The following PCDHA5 variants were observed in gnomAD, a reference collection of about 807,000 sequenced individuals.
PCDHA5 encodes the protein protocadherin alpha-5.
A neutral mutation model predicts 61.6 loss-of-function variants in PCDHA5; 43 were observed. That is an observed-to-expected ratio of 0.70 (90% CI 0.55 to 0.90). The LOEUF (loss-of-function observed/expected upper bound fraction) is 0.90. Ranked by LOEUF, PCDHA5 falls within the 40% of genes least tolerant of loss-of-function variation. The pLI is 0.00. For missense variants in PCDHA5, 1,298 were observed against 1,222.7 expected (o/e 1.06, Z -0.92); for synonymous variants, 627 against 543.9 (o/e 1.15, Z -2.13).
intron 1 of PCDHA5, chr5:140,834,405 G>A (rs2150216867): frequency 1.9e-6 from 3 of 1,607,688 alleles, no homozygotes; most frequent in Admixed American, 1.7e-5. Flanking sequence ...GAATGGATAC[G>A]ACCCAGGGGG....
At chr5:140,870,568 G>T (rs1554164428) in intron 1 of PCDHA5, 2 of 1,613,870 alleles carry the variant, frequency 1.2e-6, no homozygotes, top group African/African-American at 1.3e-5. Context: ...GAACGCGCTG[G>T]TGTCCTACTC....
chr5:140,880,970 C>A (rs2058546777), intron 1 of PCDHA5, among the ~76,000 whole-genome samples: 1 of 152,070 alleles, frequency 6.6e-6, no homozygotes, highest in South Asian at 2.1e-4. Context: ...TAAGAGAATA[C>A]CAAATACTCT....
intron 1 of PCDHA5, chr5:140,842,126 C>G (rs2150329833): frequency 6.2e-7 from 1 of 1,613,822 alleles, no homozygotes; most frequent in South Asian, 1.1e-5. Context: ...TGCTTCTGAT[C>G]CGGATGAAGG....
Position 140,823,213 on chromosome 5 carries a change from G to A in PCDHA5, c.1438G>A (p.Asp480Asn). Residue 480 changes from aspartate to asparagine, a missense_variant, in exon 1 of 4, where the codon GAC becomes AAC. Asp to Asn is a conservative substitution (Grantham distance 23). Transcript: ENST00000529859. Reference protein sequence around the residue: ...GCHIFTVSARDADAQENALVS... With the variant: ...GCHIFTVSARNADAQENALVS... ...CCACATCTTCACGGTGTCTGCACGG[G>A]ACGCGGACGCGCAGGAGAACGCCCT... is the stretch of plus-strand genomic sequence containing the variant. The A allele has an allele frequency of 6.2e-7, 1 of 1,613,778 alleles. No homozygotes were observed. Among genetic ancestry groups the A allele is most frequent in the Non-Finnish European group, 8.5e-7 (1 of 1,179,814 alleles).
intron 1 of PCDHA5, chr5:140,875,895 T>C (rs2153332421): frequency 1.2e-6 from 2 of 1,614,196 alleles, no homozygotes; most frequent in Non-Finnish European, 1.7e-6. Flanking sequence ...AAAAGGTACC[T>C]GTTTCTGAAT....
chr5:140,870,524 T>C (rs1554164360), intron 1 of PCDHA5: 35 of 1,614,076 alleles, frequency 2.2e-5, no homozygotes, highest in Non-Finnish European at 2.8e-5. Context: ...TGCCACATCT[T>C]CACAGTGTCG....
rs371212960 is a variant in PCDHA5 at position 140,891,914 on chromosome 5, C to T, written c.2352+67787C>T. ...GCAGCAAGAAGATCTTCACCAGATG[C>T]TGGTGCCTTGATCTTGGACTTCCCC... On this transcript the variant is annotated intron_variant, in intron 1 of 3. Transcript: ENST00000529859. Among the ~76,000 whole-genome samples the T allele has an allele frequency of 2.6e-3, 395 of 152,328 alleles. 2 individuals carry two copies. The highest frequency in any genetic ancestry group is 9.2e-3 in the African/African-American group (384 of 41,572).
intron 1 of PCDHA5, among the ~76,000 whole-genome samples, chr5:140,937,575 T>C (rs111558133): frequency 1.8e-3 from 268 of 149,140 alleles, no homozygotes; most frequent in African/African-American, 6.4e-3. Context: ...TGGGATCGCG[T>C]CACTGCACTC....
At chr5:140,825,422 A>G (rs2150139462) in intron 1 of PCDHA5, 1 of 147,148 alleles carries the variant, frequency 6.8e-6, no homozygotes, top group Non-Finnish European at 1.5e-5. Context: ...TATAATATAT[A>G]TAATAAATAT....
chr5:140,836,709 C>A, intron 1 of PCDHA5: 2 of 1,613,210 alleles, frequency 1.2e-6, no homozygotes, highest in Non-Finnish European at 1.7e-6. Context: ...CAGTCCCAGC[C>A]TTCCTCAGGG....
At chr5:140,898,705 A>G (rs1351081569) in intron 1 of PCDHA5, among the ~76,000 whole-genome samples, 2 of 152,142 alleles carry the variant, frequency 1.3e-5, no homozygotes, top group African/African-American at 4.8e-5. Flanking sequence ...ACTTTAAAGT[A>G]GTTTTTTCCA....
intron 1 of PCDHA5, among the ~76,000 whole-genome samples, chr5:140,920,261 A>T (rs535022961): frequency 3.3e-4 from 50 of 152,226 alleles, no homozygotes; most frequent in Non-Finnish European, 2.8e-4. Context: ...TATAATAATT[A>T]TTACTTTATG....
chr5:140,938,765 AC>A (rs1309568560), intron 1 of PCDHA5, among the ~76,000 whole-genome samples: 1 of 152,182 alleles, frequency 6.6e-6, no homozygotes, highest in Non-Finnish European at 1.5e-5. Context: ...GTTATTGGGT[AC>A]TAGACTTAGT....
intron 1 of PCDHA5, among the ~76,000 whole-genome samples, chr5:140,840,696 C>T (rs2150308917): frequency 6.6e-6 from 1 of 152,100 alleles, no homozygotes; most frequent in Admixed American, 6.5e-5. Flanking sequence ...TAAAACGGTT[C>T]AGGCAATTTG....
chr5:140,876,936 G>T, intron 1 of PCDHA5: 1 of 1,613,730 alleles, frequency 6.2e-7, no homozygotes, highest in South Asian at 1.1e-5. Flanking sequence ...AGAAGAACGC[G>T]CTGGTGTCCT....
intron 1 of PCDHA5, among the ~76,000 whole-genome samples, chr5:140,939,849 G>A (rs1554212970): frequency 6.6e-6 from 1 of 152,134 alleles, no homozygotes; most frequent in Non-Finnish European, 1.5e-5. Context: ...GTTGTGTTCT[G>A]TATATGTCCA....
chr5:140,940,195 T>C (rs2092570084), intron 1 of PCDHA5, among the ~76,000 whole-genome samples: 1 of 152,220 alleles, frequency 6.6e-6, no homozygotes, highest in African/African-American at 2.4e-5. Flanking sequence ...TTTACATGGG[T>C]GTAAAATTCA....
In PCDHA5 at chr5:140,848,623, C is replaced by A. The variant is rs186780543; in HGVS notation, c.2352+24496C>A. 2.4e-3 allele frequency: 3,747 copies of A among 1,588,346 alleles called. 451 individuals carry two copies. Among genetic ancestry groups the A allele is most frequent in the Middle Eastern group, 8.5e-3 (48 of 5,656 alleles). On this transcript the variant is annotated intron_variant, in intron 1 of 3. Coordinates refer to ENST00000529859, the MANE Select transcript of PCDHA5 (RefSeq NM_018908.3). ...GTCCCGGAGGAAGCCGAACACGGCA[C>A]CTTCGTGGGCCGCATCGCGCAGGAC...
intron 1 of PCDHA5, among the ~76,000 whole-genome samples, chr5:140,896,219 T>A (rs1212681477): frequency 1.3e-5 from 2 of 152,252 alleles, no homozygotes; most frequent in African/African-American, 2.4e-5. Flanking sequence ...TACATGTGTC[T>A]TTATAGTAGA....
Sources: gnomAD v4.1 joint callset for allele counts (sites outside exome capture counted in the v4.1 genomes callset) on GRCh38, gnomAD v4.1.1 for gene constraint, MANE v1.5 for transcripts, NCBI Gene and HGNC (gene_info 2026-07-23, HGNC 2026-07-21) for gene names.